PRR11: variants seen among roughly 807,000 people sequenced by gnomAD.
The protein encoded by PRR11 is proline-rich protein 11.
PRR11 carries 30 observed loss-of-function variants against 45.6 expected under a neutral mutation model. The observed-to-expected ratio is 0.66, with a 90% CI of 0.49 to 0.89. The LOEUF (loss-of-function observed/expected upper bound fraction) is 0.89. Ranked by LOEUF, PRR11 falls within the 40% of genes least tolerant of loss-of-function variation. The pLI, the probability that PRR11 is intolerant of heterozygous loss-of-function variation, is 0.00. For missense variants in PRR11, 373 were observed against 424.8 expected, an observed-to-expected ratio of 0.88 and a Z score of 1.07; for synonymous variants, 128 against 153.5, an observed-to-expected ratio of 0.83 and a Z score of 1.23.
At chr17:59,175,707 A>C (rs1322548326) in intron 2 of PRR11, among the ~76,000 whole-genome samples, 1 of 152,170 alleles carries the variant, frequency 6.6e-6, no homozygotes, top group African/African-American at 2.4e-5. Flanking sequence ...GGGCCACTCC[A>C]TTCCAGCCTC....
intron 1 of PRR11, among the ~76,000 whole-genome samples, chr17:59,159,160 A>G (rs1025957566): frequency 2.6e-5 from 4 of 151,982 alleles, no homozygotes; most frequent in Non-Finnish European, 5.9e-5. Context: ...CTCCAATAGG[A>G]GCTCCATTGT....
intron 4 of PRR11, among the ~76,000 whole-genome samples, chr17:59,188,833 A>C (rs9908895): frequency 0.7 from 106,200 of 151,458 alleles, 38,467 homozygotes; most frequent in African/African-American, 0.9. Context: ...CCAGCTACTC[A>C]AGAGGCTGAG....
In PRR11 at chr17:59,202,267, T is replaced by C. The variant is rs944269960; in HGVS notation, c.*636T>C. The C allele has an allele frequency of 6.6e-6, 1 of 152,132 alleles. No homozygotes were observed. The highest frequency in any genetic ancestry group is 2.4e-5 in the African/African-American group (1 of 41,414). The allele number at this position is 152,132 out of a possible 1,614,324, so 9.4% of individuals were successfully genotyped here. ...CTAGTTTGTACTGTATAGGTGCAGT[T>C]ATGACAGTAAAAAAATAGCCTCTTG... On this transcript the variant is annotated 3_prime_UTR_variant, in exon 10 of 10. Coordinates refer to ENST00000262293, the MANE Select transcript of PRR11 (RefSeq NM_018304.4).
intron 2 of PRR11, among the ~76,000 whole-genome samples, chr17:59,173,663 G>A (rs578020752): frequency 3.9e-4 from 59 of 152,316 alleles, no homozygotes; most frequent in Middle Eastern, 3.4e-3. Context: ...CCACCTTTAA[G>A]AACTGTAACA....
In PRR11 at chr17:59,205,579, G is replaced by A. The variant is rs2046914031; in HGVS notation, c.*3948G>A. ...TAGCCGGGCATAGTGGCAGACACCT[G>A]TAATCCCAGCTACTGGGAAGGCTGA... On this transcript the variant is annotated 3_prime_UTR_variant, in exon 10 of 10. Transcript: ENST00000262293. Among the ~76,000 whole-genome samples, 1 of 149,828 alleles carries A rather than the reference G, an allele frequency of 6.7e-6. No homozygotes were observed. The highest frequency in any genetic ancestry group is 2.1e-4 in the South Asian group (1 of 4,710).
intron 2 of PRR11, among the ~76,000 whole-genome samples, chr17:59,174,789 G>A (rs538007956): frequency 1.8e-4 from 27 of 152,080 alleles, no homozygotes; most frequent in Non-Finnish European, 1.9e-4. Context: ...TAGGAAACGC[G>A]GTGCGATCTC....
chr17:59,158,713 A>G (rs1259201385), intron 1 of PRR11, among the ~76,000 whole-genome samples: 3 of 152,354 alleles, frequency 2.0e-5, no homozygotes, highest in East Asian at 3.8e-4. Context: ...AAAGGAAAAT[A>G]GACAATAGTG....
At chr17:59,187,862 T>TA (rs761905476) in intron 4 of PRR11, among the ~76,000 whole-genome samples, 2,658 of 128,206 alleles carry the variant, frequency 0.021, 96 homozygotes, top group African/African-American at 0.068. Context: ...GAGACTCCAT[T>TA]AAAAAAAAAA....
At position 59,205,814 on chromosome 17, in the gene PRR11, G is replaced by C. The variant is rs950736736; in HGVS notation, c.*4183G>C. ...TAATCCCAGCACTTTGGGAGGCCGA[G>C]GTGGGTGTATCACTTGAGGTCAGGA... On this transcript the variant is annotated 3_prime_UTR_variant, in exon 10 of 10. Transcript: ENST00000262293. Among the ~76,000 whole-genome samples the C allele has an allele frequency of 1.3e-5, 2 of 151,904 alleles. No individual in the cohort carries two copies. The highest frequency in any genetic ancestry group is 6.6e-5 in the Admixed American group (1 of 15,228).
chr17:59,189,642 AT>A (rs1308409928), intron 4 of PRR11, among the ~76,000 whole-genome samples: 5 of 152,180 alleles, frequency 3.3e-5, no homozygotes, highest in Admixed American at 3.3e-4. Context: ...CCTAAATAAA[AT>A]TATTGAGACT....
At chr17:59,184,405 TG>T (rs1774736933) in intron 2 of PRR11, among the ~76,000 whole-genome samples, 1 of 152,136 alleles carries the variant, frequency 6.6e-6, no homozygotes, top group African/African-American at 2.4e-5. Context: ...GAGGTTGCCG[TG>T]AGCCAAGATC....
intron 2 of PRR11, among the ~76,000 whole-genome samples, chr17:59,180,493 C>CTTTTTTTTT (rs757636718): frequency 8.5e-6 from 1 of 118,242 alleles, no homozygotes; most frequent in African/African-American, 4.7e-5. Flanking sequence ...TGGGCCCGTC[C>CTTTTTTTTT]TTGTTTTTTT....
intron 2 of PRR11, chr17:59,175,083 C>A: frequency 1.7e-6 from 1 of 580,466 alleles, no homozygotes. Flanking sequence ...GAAAATGTTT[C>A]ATTTGGAGGC....
intron 2 of PRR11, chr17:59,177,056 C>T (rs2046751204): frequency 4.2e-6 from 2 of 474,170 alleles, no homozygotes; most frequent in East Asian, 1.1e-4. Context: ...CTTTTTTGTA[C>T]ACAGAGTAAA....
intron 2 of PRR11, among the ~76,000 whole-genome samples, chr17:59,184,641 A>C (rs1262995011): frequency 6.6e-6 from 1 of 152,096 alleles, no homozygotes; most frequent in Non-Finnish European, 1.5e-5. Flanking sequence ...ATTTCCATTC[A>C]TGACGCTTTA....
intron 2 of PRR11, chr17:59,181,714 G>C (rs1246862657): frequency 1.6e-5 from 25 of 1,555,096 alleles, no homozygotes; most frequent in Non-Finnish European, 4.4e-6. Flanking sequence ...CCAGCAAAGG[G>C]ACCTACATGG....
chr17:59,163,092 C>T (rs1362137332), intron 1 of PRR11, among the ~76,000 whole-genome samples: 1 of 149,376 alleles, frequency 6.7e-6, no homozygotes, highest in South Asian at 2.1e-4. Flanking sequence ...ATTGTCAATG[C>T]TTATACTTTT....
At chr17:59,157,513 C>A (rs1284538643) in intron 1 of PRR11, among the ~76,000 whole-genome samples, 1 of 152,092 alleles carries the variant, frequency 6.6e-6, no homozygotes, top group Non-Finnish European at 1.5e-5. Context: ...ACCAGCCTGG[C>A]CAACATGGCA....
chr17:59,165,222 A>G (rs1311903933), intron 1 of PRR11, among the ~76,000 whole-genome samples: 3 of 151,562 alleles, frequency 2.0e-5, no homozygotes, highest in Non-Finnish European at 2.9e-5. Context: ...GGGTTTCACC[A>G]TGTTAGCCAG....
Sources: allele counts gnomAD v4.1 joint callset (sites outside exome capture counted in the v4.1 genomes callset), GRCh38; gene constraint gnomAD v4.1.1; transcripts MANE v1.5; gene names NCBI Gene and HGNC (gene_info 2026-07-23, HGNC 2026-07-21).